The following SMIM41 variants were observed in gnomAD, a reference collection of about 807,000 sequenced individuals.
SMIM41 encodes the protein small integral membrane protein 41.
At chr12:52,088,493 T>C (rs1327042945) in intron 2 of SMIM41, among the ~76,000 whole-genome samples, 1 of 152,150 alleles carries the variant, frequency 6.6e-6, no homozygotes, top group African/African-American at 2.4e-5. Flanking sequence ...ACAGCCAGGT[T>C]CTTCCCTCGG....
intron 2 of SMIM41, among the ~76,000 whole-genome samples, chr12:52,090,057 T>G (rs192765960): frequency 9.6e-5 from 12 of 124,542 alleles, no homozygotes; most frequent in African/African-American, 7.2e-4. Context: ...CAAGAAGGTG[T>G]TGTTTGTTTG....
chr12:52,092,369 C>T (rs1178467655), intron 2 of SMIM41: 2 of 152,174 alleles, frequency 1.3e-5, no homozygotes, highest in Non-Finnish European at 2.9e-5. Flanking sequence ...CACTTCTCCT[C>T]CCCCAGAGAC....
intron 1 of SMIM41, among the ~76,000 whole-genome samples, chr12:52,080,973 G>T (rs1237343460): frequency 2.6e-5 from 4 of 152,042 alleles, no homozygotes; most frequent in Non-Finnish European, 5.9e-5. Flanking sequence ...CCCCGCAGCT[G>T]GGGGGCCTCG....
intron 2 of SMIM41, among the ~76,000 whole-genome samples, chr12:52,097,249 C>T (rs1940115047): frequency 6.6e-6 from 1 of 152,040 alleles, no homozygotes; most frequent in South Asian, 2.1e-4. Context: ...TAGGCTCCGC[C>T]ACGATGCGGG....
chr12:52,089,684 C>A (rs1372183082), intron 2 of SMIM41, among the ~76,000 whole-genome samples: 2 of 152,114 alleles, frequency 1.3e-5, no homozygotes, highest in Non-Finnish European at 1.5e-5. Context: ...CCGGTGGTGA[C>A]CGGTGGTGGT....
chr12:52,105,964 G>A (rs1940331385), intron 2 of SMIM41, among the ~76,000 whole-genome samples: 1 of 152,158 alleles, frequency 6.6e-6, no homozygotes, highest in Non-Finnish European at 1.5e-5. Context: ...GGAAGTGAGT[G>A]ATGATTAAAC....
intron 2 of SMIM41, among the ~76,000 whole-genome samples, chr12:52,090,510 G>T (rs1939981283): frequency 6.6e-6 from 1 of 152,222 alleles, no homozygotes; most frequent in Non-Finnish European, 1.5e-5. Context: ...CGCACCTGCT[G>T]TGGTCGGGGA....
At position 52,079,976 on chromosome 12, in the gene SMIM41, C is replaced by G. The variant is rs1939793821; in HGVS notation, c.197C>G (p.Thr66Arg). 1 of 382,302 alleles carries G rather than the reference C, an allele frequency of 2.6e-6. No homozygotes were observed. Among genetic ancestry groups the G allele is most frequent in the Admixed American group, 4.5e-5 (1 of 22,140 alleles). 23.7% of individuals were successfully genotyped at this position (382,302 alleles called of 1,614,324 possible). A position where few individuals can be genotyped will look rare whatever the true frequency, so the allele number is the denominator to read the frequency against. ...CTCCTCCTCCGCGCCCAGGGCCTGA[C>G]AGCGCTGCTGACCCGCGAGCAGCGC... Reference protein sequence around the residue: ...GGLLLRAQGLTALLTREQRAS... With the variant: ...GGLLLRAQGLRALLTREQRAS... The change falls in exon 1 of 3, where the codon ACA (threonine) becomes AGA (arginine). Residue 66 changes from threonine to arginine, a missense_variant. Thr to Arg is a moderately conservative substitution (Grantham distance 71, BLOSUM62 -1). Transcript: ENST00000546390.
chr12:52,105,925 C>T (rs933962303), intron 2 of SMIM41, among the ~76,000 whole-genome samples: 21 of 152,298 alleles, frequency 1.4e-4, no homozygotes, highest in African/African-American at 5.1e-4. Flanking sequence ...TCAGCACTCT[C>T]ATCTGAGTTG....
intron 2 of SMIM41, among the ~76,000 whole-genome samples, chr12:52,086,992 A>T (rs1939903291): frequency 6.6e-6 from 1 of 152,138 alleles, no homozygotes; most frequent in Admixed American, 6.5e-5. Flanking sequence ...CCTTGAGCAG[A>T]CTGATGGCAC....
intron 2 of SMIM41, among the ~76,000 whole-genome samples, chr12:52,097,487 G>A (rs1204285015): frequency 6.6e-6 from 1 of 152,070 alleles, no homozygotes; most frequent in Non-Finnish European, 1.5e-5. Flanking sequence ...GATGCGCAGA[G>A]TGATATCAAC....
chr12:52,107,112 T>G (rs1239370642), intron 2 of SMIM41, among the ~76,000 whole-genome samples: 1 of 152,222 alleles, frequency 6.6e-6, no homozygotes. Context: ...AAGGCAGGTA[T>G]GTACAGCAAG....
chr12:52,102,926 T>A (rs1352181082), intron 2 of SMIM41, among the ~76,000 whole-genome samples: 2 of 152,184 alleles, frequency 1.3e-5, no homozygotes, highest in African/African-American at 4.8e-5. Context: ...AGCAGCATTA[T>A]TCACAACAGC....
chr12:52,079,927 G>C lies in SMIM41; in HGVS notation c.148G>C (p.Gly50Arg), dbSNP rs1364692877. 1.0e-5 allele frequency: 4 copies of C among 387,840 alleles called. No homozygotes were observed. Among genetic ancestry groups the C allele is most frequent in the Non-Finnish European group, 1.8e-5 (4 of 219,016 alleles). 24.0% of individuals were successfully genotyped at this position (387,840 alleles called of 1,614,324 possible). ...CGTGCTGTCCCTGCTGGTGCTTTGC[G>C]GGGTCCTGTTCCTGGGCGGCGGCCT... ...LGVLSLLVLC[G>R]VLFLGGGLLL... Residue 50 changes from glycine (G) to arginine (R), a missense_variant, in exon 1 of 3, where the codon GGG becomes CGG. Physicochemically the swap from Gly to Arg is moderately radical, Grantham distance 125 (BLOSUM62 -2). Coordinates refer to ENST00000546390, the MANE Select transcript of SMIM41 (RefSeq NM_001369216.1).
chr12:52,102,340 C>T (rs1173857953), intron 2 of SMIM41, among the ~76,000 whole-genome samples: 1 of 152,188 alleles, frequency 6.6e-6, no homozygotes, highest in Non-Finnish European at 1.5e-5. Flanking sequence ...TGGGATGTGA[C>T]ACCAAAAGCA....
At position 52,080,038 on chromosome 12, in the gene SMIM41, G is replaced by T; in HGVS notation, c.259G>T (p.Glu87Ter). The change falls in exon 1 of 3, where the codon GAG (glutamate) becomes TAG (stop). Residue 87 changes from glutamate (E) to a stop codon, truncating the protein, a stop_gained. Coordinates refer to ENST00000546390, the MANE Select transcript of SMIM41 (RefSeq NM_001369216.1). LOFTEE classifies it high-confidence loss of function. ...GCCCGAGCCGGGCAGTGCCAGCGGA[G>T]AGGACGGCGACGACGACTCCTAGGC... ...REPEPGSASG[E>*]DGDDDS The T allele has an allele frequency of 2.7e-6, 1 of 368,036 alleles. No individual in the cohort carries two copies. The highest frequency in any genetic ancestry group is 1.3e-4 in the South Asian group (1 of 7,632). The allele number at this position is 368,036 out of a possible 1,614,324, so 22.8% of individuals were successfully genotyped here. A position where few individuals can be genotyped will look rare whatever the true frequency, so the allele number is the denominator to read the frequency against.
At chr12:52,095,760 AG>A (rs1178841709) in intron 2 of SMIM41, among the ~76,000 whole-genome samples, 2 of 152,030 alleles carry the variant, frequency 1.3e-5, no homozygotes, top group African/African-American at 4.8e-5. Context: ...ACAATATCAC[AG>A]GGGGGCTGTA....
intron 2 of SMIM41, among the ~76,000 whole-genome samples, chr12:52,090,835 G>A (rs1268456570): frequency 6.6e-6 from 1 of 152,148 alleles, no homozygotes; most frequent in Non-Finnish European, 1.5e-5. Context: ...GCCAGCGAGT[G>A]GGGCAGCTTC....
intron 2 of SMIM41, among the ~76,000 whole-genome samples, chr12:52,096,596 G>A (rs554330043): frequency 2.6e-5 from 4 of 151,664 alleles, no homozygotes; most frequent in African/African-American, 9.7e-5. Flanking sequence ...GTAATTATTA[G>A]GAGCTAATAT....
Sources: gnomAD v4.1 joint callset for allele counts (sites outside exome capture counted in the v4.1 genomes callset) on GRCh38, gnomAD v4.1.1 for gene constraint, MANE v1.5 for transcripts, NCBI Gene and HGNC (gene_info 2026-07-23, HGNC 2026-07-21) for gene names.